Variants in SEC16A observed in about 807,000 individuals in gnomAD.
SEC16A encodes SEC16 homolog A, endoplasmic reticulum export factor.
In SEC16A, 110 loss-of-function variants were observed where a neutral mutation model predicts 221.9. The ratio of observed to expected loss-of-function variants is 0.50; its 90% CI spans 0.42 to 0.58. The LOEUF is 0.58. SEC16A is among the 20% of genes least tolerant of loss of function. The pLI is 0.00. For synonymous variants in SEC16A, 1,393 were observed against 1,257.7 expected (o/e 1.11, Z -2.28); for missense variants, 3,165 against 3,097.8 (o/e 1.02, Z -0.52).
In SEC16A at chr9:136,454,566, G is replaced by A. The variant is rs759769321; in HGVS notation, c.5858-239C>T. 4.6e-5 allele frequency among the ~76,000 whole-genome samples: 7 copies of A among 152,264 alleles called. 1 individual carries two copies. The East Asian group carries it at 9.7e-4, about 21-fold the overall frequency. ...GGAGGGGCACTTGAGCAGTCACAGC[G>A]GCACGCGGGCTCCAGGGCCCGGCCC... is the stretch of plus-strand genomic sequence containing the variant. On this transcript the variant is annotated intron_variant, in intron 20 of 31. Transcript: ENST00000684901.
rs6560632 is a variant in SEC16A, at chr9:136,477,334, A to C, written c.282T>G (p.Val94=). 699,593 of 1,613,556 alleles carry C rather than the reference A, an allele frequency of 0.43. 155,207 individuals are homozygous for C. Among genetic ancestry groups the C allele is most frequent in the Admixed American group, 0.56 (33,410 of 60,018 alleles). The change falls in exon 3 of 32, where the codon GTT becomes GTG. Residue 94 remains valine (V), a synonymous_variant. Transcript: ENST00000684901. ...AGFSQHPGLL[V]PHTHARDSSQ... ...AGCTATCTCTGGCATGTGTGTGAGG[A>C]ACAAGCAAACCGGGGTGCTGAGAAA...
intron 23 of SEC16A, chr9:136,448,545 G>A (rs909405494): frequency 1.4e-6 from 1 of 695,680 alleles, no homozygotes; most frequent in African/African-American, 1.9e-5. Context: ...GATCCACAGA[G>A]ACGCCAGGAG....
chr9:136,447,075 A>G lies in SEC16A; in HGVS notation c.6698-126T>C, dbSNP rs1467098673. On this transcript the variant is annotated intron_variant, in intron 27 of 31. Coordinates refer to ENST00000684901, the MANE Select transcript of SEC16A (RefSeq NM_014866.2). The surrounding 1 kb of genome is among the most constrained non-coding windows in gnomAD (Gnocchi z 5.5). ...GGCACACTCATGCAGAAACAGGCAA[A>G]TCAAAAAAAAAACCACAAACCAACC... is the stretch of plus-strand genomic sequence containing the variant. 2.0e-6 allele frequency: 3 copies of G among 1,510,530 alleles called. No homozygotes were observed. The highest frequency in any genetic ancestry group is 2.6e-6 in the Non-Finnish European group (3 of 1,132,962). The allele number at this position is 1,510,530 out of a possible 1,614,324, so 93.6% of individuals were successfully genotyped here.
At chr9:136,455,344 G>A (rs1468946013) in intron 20 of SEC16A, among the ~76,000 whole-genome samples, 2 of 152,284 alleles carry the variant, frequency 1.3e-5, no homozygotes, top group East Asian at 1.9e-4. Context: ...GGGCGCTCAG[G>A]GCAGTGTCGC....
rs1394507034 is a variant in SEC16A, at chr9:136,453,660, A to G, written c.6077-150T>C. 5 of 649,130 alleles carry G rather than the reference A, an allele frequency of 7.7e-6. No individual in the cohort carries two copies. In the East Asian group the frequency reaches 1.1e-4, roughly 14 times the overall value. The allele number at this position is 649,130 out of a possible 1,614,324, so 40.2% of individuals were successfully genotyped here. On this transcript the variant is annotated intron_variant, in intron 21 of 31. Coordinates refer to ENST00000684901, the MANE Select transcript of SEC16A (RefSeq NM_014866.2). ...AAACCAAGGCTGAACATCTTCCCACATGTGTGCACACTCTTTCATTTTTAA... is the reference window on the plus strand; with the variant it reads ...AAACCAAGGCTGAACATCTTCCCACGTGTGTGCACACTCTTTCATTTTTAA...
chr9:136,479,118 T>C (rs1281765498), intron 1 of SEC16A, among the ~76,000 whole-genome samples: 1 of 151,782 alleles, frequency 6.6e-6, no homozygotes, highest in Non-Finnish European at 1.5e-5. Flanking sequence ...AAGAAACCTC[T>C]TACAGAAAAG....
intron 5 of SEC16A, among the ~76,000 whole-genome samples, chr9:136,467,808 A>C (rs1840344930): frequency 1.3e-5 from 2 of 152,178 alleles, no homozygotes; most frequent in South Asian, 4.1e-4. Context: ...TGTCAAGGGG[A>C]TTCAGGGCCC....
chr9:136,462,653 A>C (rs1460958056), intron 12 of SEC16A, among the ~76,000 whole-genome samples: 4 of 152,234 alleles, frequency 2.6e-5, no homozygotes, highest in African/African-American at 9.7e-5. Flanking sequence ...TGAAAATTTA[A>C]TCTGCAGGTC....
At chr9:136,470,024 CT>C (rs1840654774) in intron 4 of SEC16A, among the ~76,000 whole-genome samples, 1 of 152,252 alleles carries the variant, frequency 6.6e-6, no homozygotes. Flanking sequence ...GCAACACAGT[CT>C]CAAAAACAAC....
chr9:136,444,928 C>T (rs1013403019), intron 30 of SEC16A, 124 bp downstream of exon 30: 23 of 704,146 alleles, frequency 3.3e-5, no homozygotes, highest in South Asian at 1.8e-4. Context: ...GGTCACGTGA[C>T]GCTGAGGGAG....
At chr9:136,444,946 G>C (rs542806297) in intron 30 of SEC16A, 106 bp downstream of exon 30, 1 of 854,208 alleles carries the variant, frequency 1.2e-6, no homozygotes, top group African/African-American at 1.7e-5. Context: ...GAGACAACGG[G>C]CGAGGTTAGT....
intron 18 of SEC16A, among the ~76,000 whole-genome samples, chr9:136,456,531 G>A (rs565107597): frequency 6.6e-5 from 10 of 152,332 alleles, no homozygotes; most frequent in Middle Eastern, 6.8e-3. Flanking sequence ...GCGGGACAGA[G>A]GGGGCAGAAC....
At position 136,466,077 on chromosome 9, in the gene SEC16A, T is replaced by C. The variant is rs1184574517; in HGVS notation, c.4188A>G (p.Pro1396=). 4.3e-6 allele frequency: 7 copies of C among 1,612,480 alleles called. No homozygotes were observed. The highest frequency in any genetic ancestry group is 5.1e-6 in the Non-Finnish European group (6 of 1,179,092). The change falls in exon 8 of 32, where the codon CCA becomes CCG. Residue 1396 remains proline (P), a synonymous_variant. Coordinates refer to ENST00000684901, the MANE Select transcript of SEC16A (RefSeq NM_014866.2). The surrounding 1 kb of genome is among the most constrained non-coding windows in gnomAD (Gnocchi z 5.5). The part of the protein sequence containing the change: ...AAGSYEAPLP[P]GSFHGDFAYG... ...AGGCAAAATCGCCGTGAAAGGAGCC[T>C]GGAGGAAGCGGGGCCTCGTAGGAAC...
At position 136,459,678 on chromosome 9, in the gene SEC16A, T is replaced by C. The variant is rs1839205477; in HGVS notation, c.5191+79A>G. ...GACCGAGAAGGCCGGGTTCTGGTGA[T>C]TTCTGCCAACGCCACAGACAACCGG... is the stretch of plus-strand genomic sequence containing the variant. On this transcript the variant is annotated intron_variant, in intron 15 of 31. Transcript: ENST00000684901. This position sits in a 1 kb window ranked among gnomAD's most constrained non-coding sequence, Gnocchi z 6.1. 4 of 1,409,646 alleles carry C rather than the reference T, an allele frequency of 2.8e-6. No homozygotes were observed. Among genetic ancestry groups the C allele is most frequent in the Non-Finnish European group, 2.9e-6 (3 of 1,022,192 alleles). The allele number at this position is 1,409,646 out of a possible 1,614,324, so 87.3% of individuals were successfully genotyped here.
In SEC16A at chr9:136,447,469, G is replaced by T; in HGVS notation, c.6559+100C>A. ...AGAGGAAAAGCACGCAGGGACGTGC[G>T]GGAAGCCACCTCCTCCCCACGCACA... is the stretch of plus-strand genomic sequence containing the variant. On this transcript the variant is annotated intron_variant, in intron 26 of 31. Transcript: ENST00000684901. The surrounding 1 kb of genome is among the most constrained non-coding windows in gnomAD (Gnocchi z 5.5). 1.3e-6 allele frequency: 2 copies of T among 1,553,016 alleles called. No individual in the cohort carries two copies. Among genetic ancestry groups the T allele is most frequent in the East Asian group, 2.3e-5 (1 of 43,162 alleles).
chr9:136,455,952 A>G, intron 19 of SEC16A, 101 bp downstream of exon 19: 1 of 1,209,106 alleles, frequency 8.3e-7, no homozygotes, highest in Non-Finnish European at 1.2e-6. Flanking sequence ...ACACGTTTGC[A>G]GTTACACTGT....
At chr9:136,484,605 C>G, upstream of SEC16A, 2 of 1,358,558 alleles carry the variant, frequency 1.5e-6, no homozygotes, top group Non-Finnish European at 2.0e-6. Context: ...GAGGTCCTCC[C>G]TGGGTGGGAG....
At chr9:136,470,866 G>A (rs1190694493) in intron 4 of SEC16A, among the ~76,000 whole-genome samples, 7 of 152,210 alleles carry the variant, frequency 4.6e-5, no homozygotes, top group Non-Finnish European at 7.3e-5. Flanking sequence ...CCCCTTGCAG[G>A]AAGGCTCTAT....
chr9:136,453,795 G>A (rs1001137170), intron 21 of SEC16A, among the ~76,000 whole-genome samples: 3 of 152,186 alleles, frequency 2.0e-5, no homozygotes, highest in Non-Finnish European at 4.4e-5. Flanking sequence ...CTGCCCCTGT[G>A]CATCTCACCA....
Sources: allele counts gnomAD v4.1 joint callset (sites outside exome capture counted in the v4.1 genomes callset), GRCh38; gene constraint gnomAD v4.1.1; non-coding constraint Gnocchi (gnomAD v3.1); transcripts MANE v1.5; gene names NCBI Gene and HGNC (gene_info 2026-07-23, HGNC 2026-07-21).